Variants in LGSN observed in about 807,000 individuals in gnomAD.
The protein encoded by LGSN is lengsin, lens protein with glutamine synthetase domain.
In LGSN, 21 loss-of-function variants were observed where a neutral mutation model predicts 19.5. The ratio of observed to expected loss-of-function variants is 1.07; its 90% CI spans 0.76 to 1.55. LGSN has a LOEUF of 1.55. LGSN is among the 40% of genes most tolerant of loss of function. LGSN has a pLI of 0.00. For synonymous variants in LGSN, 257 were observed against 215.6 expected, an observed-to-expected ratio of 1.19 and a Z score of -1.68; for missense variants, 673 against 608.5, an observed-to-expected ratio of 1.11 and a Z score of -1.12.
the LGSN span, among the ~76,000 whole-genome samples, chr6:63,483,289 T>C: frequency 6.6e-6 from 1 of 152,206 alleles, no homozygotes; most frequent in Non-Finnish European, 1.5e-5. Flanking sequence ...CTTTATTCTT[T>C]TCATCTCATT....
chr6:63,418,253 A>T, the LGSN span, among the ~76,000 whole-genome samples: 240 of 152,238 alleles, frequency 1.6e-3, no homozygotes, highest in African/African-American at 5.6e-3. Context: ...TCAACTAAAA[A>T]CCCTGAATAT....
At chr6:63,455,931 T>C in the LGSN span, among the ~76,000 whole-genome samples, 1 of 150,372 alleles carries the variant, frequency 6.7e-6, no homozygotes, top group Non-Finnish European at 1.5e-5. Context: ...AATTAACTTT[T>C]GATTATTAAA....
At chr6:63,518,373 A>T in the LGSN span, among the ~76,000 whole-genome samples, 2 of 152,160 alleles carry the variant, frequency 1.3e-5, no homozygotes, top group African/African-American at 4.8e-5. Context: ...AGGTCCTGGC[A>T]GAAAAGGCAA....
intron 1 of LGSN, among the ~76,000 whole-genome samples, chr6:63,316,454 T>C (rs537529710): frequency 2.6e-5 from 4 of 152,164 alleles, no homozygotes; most frequent in African/African-American, 9.6e-5. Context: ...TAACCAAACA[T>C]TTTCAGAGAA....
chr6:63,388,304 T>G, the LGSN span, among the ~76,000 whole-genome samples: 2 of 152,156 alleles, frequency 1.3e-5, no homozygotes, highest in African/African-American at 4.8e-5. Flanking sequence ...GGACAGAAAT[T>G]TAAGATACCA....
the LGSN span, among the ~76,000 whole-genome samples, chr6:63,505,267 T>A: frequency 1.3e-5 from 2 of 151,716 alleles, no homozygotes; most frequent in African/African-American, 2.4e-5. Context: ...CTTTTCCTCA[T>A]CTCTTTAGTT....
chr6:63,504,892 G>A, the LGSN span, among the ~76,000 whole-genome samples: 1 of 152,284 alleles, frequency 6.6e-6, no homozygotes, highest in African/African-American at 2.4e-5. Flanking sequence ...GGTTCTTTAA[G>A]AATTTTCTCC....
the LGSN span, chr6:63,521,915 T>C: frequency 6.6e-6 from 1 of 152,236 alleles, no homozygotes; most frequent in African/African-American, 2.4e-5. Flanking sequence ...AATATATTAA[T>C]CTAATTCTCT....
At chr6:63,399,612 T>A in the LGSN span, among the ~76,000 whole-genome samples, 1 of 151,944 alleles carries the variant, frequency 6.6e-6, no homozygotes, top group Non-Finnish European at 1.5e-5. Flanking sequence ...GGCAGGCTGA[T>A]CTCGAACTCC....
the LGSN span, among the ~76,000 whole-genome samples, chr6:63,389,339 T>C: frequency 6.6e-6 from 1 of 152,222 alleles, no homozygotes; most frequent in African/African-American, 2.4e-5. Flanking sequence ...GGAAAGGATA[T>C]TGAGCCTGAT....
chr6:63,380,384 G>T, the LGSN span, among the ~76,000 whole-genome samples: 1 of 152,264 alleles, frequency 6.6e-6, no homozygotes, highest in South Asian at 2.1e-4. Context: ...ATTCTTGATG[G>T]AGATGAGTCT....
At chr6:63,286,534 G>A (rs1040111793) in intron 2 of LGSN, among the ~76,000 whole-genome samples, 6 of 152,164 alleles carry the variant, frequency 3.9e-5, no homozygotes, top group Non-Finnish European at 1.5e-5. Context: ...TCCCAAAGTG[G>A]TACAATGAGT....
intron 1 of LGSN, among the ~76,000 whole-genome samples, chr6:63,315,317 G>C (rs1288043910): frequency 6.6e-6 from 1 of 152,094 alleles, no homozygotes; most frequent in Non-Finnish European, 1.5e-5. Flanking sequence ...CCACTAGGAT[G>C]ATTCAGTCAA....
At chr6:63,327,122 T>C in the LGSN span, among the ~76,000 whole-genome samples, 10 of 152,210 alleles carry the variant, frequency 6.6e-5, no homozygotes, top group African/African-American at 2.4e-4. Context: ...CCTGCAGTTG[T>C]AGTGTCCTTC....
the LGSN span, among the ~76,000 whole-genome samples, chr6:63,553,704 T>C: frequency 9.2e-5 from 14 of 152,160 alleles, no homozygotes; most frequent in Non-Finnish European, 2.1e-4. Context: ...TTTAGTATCT[T>C]TGTGTATAGG....
At chr6:63,337,117 G>T in the LGSN span, among the ~76,000 whole-genome samples, 1 of 150,512 alleles carries the variant, frequency 6.6e-6, no homozygotes, top group Non-Finnish European at 1.5e-5. Flanking sequence ...TAGAGACGGG[G>T]TTTCACCATG....
At chr6:63,539,154 A>C in the LGSN span, among the ~76,000 whole-genome samples, 11 of 152,290 alleles carry the variant, frequency 7.2e-5, no homozygotes, top group East Asian at 2.1e-3. Context: ...TTGGCTTCCC[A>C]AAGTACTGGG....
At chr6:63,365,853 A>T in the LGSN span, among the ~76,000 whole-genome samples, 1 of 152,258 alleles carries the variant, frequency 6.6e-6, no homozygotes, top group Non-Finnish European at 1.5e-5. Context: ...GATTATCTCA[A>T]TAGCTGCAGA....
chr6:63,388,577 A>G, the LGSN span, among the ~76,000 whole-genome samples: 1 of 152,138 alleles, frequency 6.6e-6, no homozygotes, highest in Non-Finnish European at 1.5e-5. Context: ...GGCCATTGAC[A>G]AGCCAAGGAG....
Sources: allele counts gnomAD v4.1 joint callset (sites outside exome capture counted in the v4.1 genomes callset), GRCh38; gene constraint gnomAD v4.1.1; transcripts MANE v1.5; gene names NCBI Gene and HGNC (gene_info 2026-07-23, HGNC 2026-07-21).